Variants in COG5 observed in about 807,000 individuals in gnomAD.
COG5 encodes component of oligomeric golgi complex 5, also known as conserved oligomeric Golgi complex subunit 5.
Under a neutral mutation model 110.4 loss-of-function variants are expected in COG5, and 86 were observed. That is an observed-to-expected ratio of 0.78 (90% CI 0.65 to 0.93). COG5 has a LOEUF of 0.93. Among genes scored for constraint, COG5 ranks in the 40% least tolerant of loss-of-function variants. COG5 has a pLI of 0.00. For synonymous variants in COG5, 360 were observed against 334.6 expected, an observed-to-expected ratio of 1.08 and a Z score of -0.83; for missense variants, 1,077 against 987.0, an observed-to-expected ratio of 1.09 and a Z score of -1.22.
At chr7:107,219,886 A>G (rs1324605073) in intron 19 of COG5, among the ~76,000 whole-genome samples, 1 of 152,192 alleles carries the variant, frequency 6.6e-6, no homozygotes, top group Non-Finnish European at 1.5e-5. Context: ...GTTTGAATTA[A>G]TCATCCCACA....
chr7:107,443,229 T>C (rs1052618104), intron 6 of COG5, among the ~76,000 whole-genome samples: 1 of 152,088 alleles, frequency 6.6e-6, no homozygotes, highest in East Asian at 1.9e-4. Flanking sequence ...TGAAAATATA[T>C]ACTAAGTGAA....
chr7:107,539,158 C>A (rs1046732720), intron 5 of COG5, among the ~76,000 whole-genome samples: 3 of 151,914 alleles, frequency 2.0e-5, no homozygotes, highest in African/African-American at 7.3e-5. Flanking sequence ...CATGGTGGTG[C>A]GTGCCTGTTG....
intron 17 of COG5, among the ~76,000 whole-genome samples, chr7:107,240,226 A>T (rs192401097): frequency 2.5e-3 from 378 of 152,228 alleles, no homozygotes; most frequent in Middle Eastern, 3.4e-3. Flanking sequence ...TTATTTATTT[A>T]TTTGAGACAG....
chr7:107,513,303 A>G (rs1432175824), intron 6 of COG5, among the ~76,000 whole-genome samples: 1 of 152,190 alleles, frequency 6.6e-6, no homozygotes, highest in African/African-American at 2.4e-5. Flanking sequence ...AAAAATGCTC[A>G]TCATCACTGG....
At chr7:107,298,898 C>T (rs7805115) in intron 11 of COG5, among the ~76,000 whole-genome samples, 1 of 152,040 alleles carries the variant, frequency 6.6e-6, no homozygotes, top group African/African-American at 2.4e-5. Context: ...TGAAAAGAAT[C>T]CTCAAATATT....
At chr7:107,352,456 T>C (rs1470436353) in intron 10 of COG5, among the ~76,000 whole-genome samples, 1 of 139,430 alleles carries the variant, frequency 7.2e-6, no homozygotes, top group Non-Finnish European at 1.5e-5. Context: ...ACTTAAAGTA[T>C]AATAATAATA....
intron 5 of COG5, among the ~76,000 whole-genome samples, chr7:107,538,899 T>C (rs2520264): frequency 0.27 from 41,310 of 152,126 alleles, 5,705 homozygotes; most frequent in East Asian, 0.33. Context: ...AAATGTGATA[T>C]ATTCATAAAA....
chr7:107,286,392 C>G (rs185314819), intron 12 of COG5, among the ~76,000 whole-genome samples: 5 of 152,210 alleles, frequency 3.3e-5, no homozygotes, highest in African/African-American at 1.2e-4. Context: ...TGTCTATAGT[C>G]ATCCTTTTTC....
intron 16 of COG5, among the ~76,000 whole-genome samples, chr7:107,249,919 G>A (rs1317596225): frequency 6.6e-6 from 1 of 152,172 alleles, no homozygotes; most frequent in East Asian, 1.9e-4. Context: ...TGGGAAAGCT[G>A]AGGCACTTGG....
intron 19 of COG5, among the ~76,000 whole-genome samples, chr7:107,214,002 A>C (rs572511523): frequency 1.4e-4 from 22 of 152,334 alleles, no homozygotes; most frequent in African/African-American, 5.3e-4. Flanking sequence ...CAAGAATATA[A>C]AAATAAAAAG....
intron 14 of COG5, among the ~76,000 whole-genome samples, chr7:107,277,741 TC>T (rs1344727597): frequency 2.6e-5 from 4 of 152,138 alleles, no homozygotes; most frequent in Non-Finnish European, 5.9e-5. Flanking sequence ...TGGCCCAACC[TC>T]ACTCTTAAAA....
intron 19 of COG5, among the ~76,000 whole-genome samples, chr7:107,212,789 G>A (rs1799272104): frequency 6.6e-6 from 1 of 152,158 alleles, no homozygotes; most frequent in South Asian, 2.1e-4. Flanking sequence ...ATGGAACACA[G>A]AACCATATAA....
chr7:107,462,624 A>C (rs1421408262), intron 6 of COG5, among the ~76,000 whole-genome samples: 1 of 151,868 alleles, frequency 6.6e-6, no homozygotes, highest in Non-Finnish European at 1.5e-5. Flanking sequence ...AAAAAAAAAA[A>C]AAAAAACTTT....
At chr7:107,542,349 A>G (rs1016110633) in intron 5 of COG5, among the ~76,000 whole-genome samples, 1 of 152,182 alleles carries the variant, frequency 6.6e-6, no homozygotes, top group Non-Finnish European at 1.5e-5. Flanking sequence ...CTAAAATATT[A>G]GCAAAAACTA....
At chr7:107,312,101 T>C (rs1353888478) in intron 11 of COG5, among the ~76,000 whole-genome samples, 1 of 152,142 alleles carries the variant, frequency 6.6e-6, no homozygotes, top group African/African-American at 2.4e-5. Context: ...CATCTTTTCA[T>C]GTCCCTGTTT....
intron 8 of COG5, among the ~76,000 whole-genome samples, chr7:107,365,983 G>A (rs1813579490): frequency 6.6e-6 from 1 of 152,024 alleles, no homozygotes. Flanking sequence ...ATAATCATCA[G>A]AAACAAAGCA....
intron 21 of COG5, among the ~76,000 whole-genome samples, chr7:107,206,327 A>G (rs893904701): frequency 6.6e-6 from 1 of 152,206 alleles, no homozygotes; most frequent in African/African-American, 2.4e-5. Context: ...AGTCCCAGCT[A>G]ACATACCACT....
intron 6 of COG5, among the ~76,000 whole-genome samples, chr7:107,434,982 AAAG>A (rs1390761617): frequency 1.3e-5 from 2 of 152,120 alleles, no homozygotes; most frequent in Non-Finnish European, 2.9e-5. Context: ...AAAAAAAAAA[AAAG>A]AACAAAATCC....
chr7:107,526,970 C>T (rs913402331), intron 6 of COG5, among the ~76,000 whole-genome samples: 8 of 151,940 alleles, frequency 5.3e-5, no homozygotes, highest in Admixed American at 2.0e-4. Context: ...ATGGTGCTTA[C>T]ATAAATCTGT....
Sources: allele counts gnomAD v4.1 joint callset (sites outside exome capture counted in the v4.1 genomes callset), GRCh38; gene constraint gnomAD v4.1.1; transcripts MANE v1.5; gene names NCBI Gene and HGNC (gene_info 2026-07-23, HGNC 2026-07-21).